The following EPHA5 variants were observed in gnomAD, a reference collection of about 807,000 sequenced individuals.
The protein encoded by EPHA5 is EPH receptor A5.
Under a neutral mutation model 105.0 loss-of-function variants are expected in EPHA5, and 60 were observed. The ratio of observed to expected loss-of-function variants is 0.57; its 90% CI spans 0.46 to 0.71. The LOEUF (loss-of-function observed/expected upper bound fraction) is 0.71, where lower values mean the gene tolerates loss of function less well. EPHA5 is among the 30% of genes least tolerant of loss of function. EPHA5 has a pLI of 0.00. For synonymous variants in EPHA5, 513 were observed against 449.1 expected (o/e 1.14, Z -1.80); for missense variants, 1,218 against 1,274.7 (o/e 0.96, Z 0.68).
At chr4:65,500,514 A>G (rs1732377381) in intron 3 of EPHA5, among the ~76,000 whole-genome samples, 1 of 150,874 alleles carries the variant, frequency 6.6e-6, no homozygotes. Flanking sequence ...GTATAATCTT[A>G]TGAGAAATTG....
intron 5 of EPHA5, among the ~76,000 whole-genome samples, chr4:65,456,924 AGAGTTTATTT>A: frequency 6.6e-6 from 1 of 152,238 alleles, no homozygotes; most frequent in South Asian, 2.1e-4. Flanking sequence ...CATACCTCCA[AGAGTTTATTT>A]GCTATCTCAT....
intron 3 of EPHA5, among the ~76,000 whole-genome samples, chr4:65,511,309 C>T (rs1397259922): frequency 6.6e-6 from 1 of 152,070 alleles, no homozygotes; most frequent in Non-Finnish European, 1.5e-5. Flanking sequence ...ATAAGAGGTC[C>T]TTGAACTTTC....
At chr4:65,470,515 G>T (rs985361775) in intron 5 of EPHA5, among the ~76,000 whole-genome samples, 7 of 152,056 alleles carry the variant, frequency 4.6e-5, no homozygotes, top group African/African-American at 1.4e-4. Flanking sequence ...ATATATAATA[G>T]TAGAACATGT....
At chr4:65,346,251 A>G (rs1722217717) in intron 14 of EPHA5, among the ~76,000 whole-genome samples, 1 of 151,972 alleles carries the variant, frequency 6.6e-6, no homozygotes, top group Non-Finnish European at 1.5e-5. Flanking sequence ...ATAAGTAAGT[A>G]CATTATACTT....
chr4:65,385,809 A>C (rs1720023114), intron 8 of EPHA5, among the ~76,000 whole-genome samples: 1 of 151,822 alleles, frequency 6.6e-6, no homozygotes, highest in Non-Finnish European at 1.5e-5. Context: ...TCCAACAGGA[A>C]TTTACCTGAC....
chr4:65,522,302 GTGTATATATATA>G (rs200452332), intron 3 of EPHA5, among the ~76,000 whole-genome samples: 1,530 of 110,578 alleles, frequency 0.014, 72 homozygotes, highest in East Asian at 0.12. Flanking sequence ...AAATATGTGT[GTGTATATATATA>G]TGTATATATA....
At chr4:65,538,835 C>T (rs1463721248) in intron 3 of EPHA5, among the ~76,000 whole-genome samples, 2 of 151,682 alleles carry the variant, frequency 1.3e-5, no homozygotes, top group Non-Finnish European at 3.0e-5. Flanking sequence ...CTGCTCTGGA[C>T]TTCTTTTGCC....
intron 3 of EPHA5, among the ~76,000 whole-genome samples, chr4:65,586,555 T>C (rs1281670428): frequency 2.6e-5 from 4 of 151,978 alleles, no homozygotes; most frequent in African/African-American, 7.2e-5. Flanking sequence ...TATACATCTC[T>C]TCCCCTGTCA....
chr4:65,398,914 C>T (rs1721525364), intron 8 of EPHA5, among the ~76,000 whole-genome samples: 1 of 152,160 alleles, frequency 6.6e-6, no homozygotes, highest in Non-Finnish European at 1.5e-5. Flanking sequence ...CTACAGTTGT[C>T]CATGTACCTC....
intron 3 of EPHA5, among the ~76,000 whole-genome samples, chr4:65,566,995 C>G (rs945377674): frequency 6.6e-6 from 1 of 151,424 alleles, no homozygotes; most frequent in Non-Finnish European, 1.5e-5. Context: ...AAGAACTATA[C>G]ACTATCTGAC....
At chr4:65,544,494 A>T (rs1190316704) in intron 3 of EPHA5, among the ~76,000 whole-genome samples, 1 of 151,718 alleles carries the variant, frequency 6.6e-6, no homozygotes, top group East Asian at 1.9e-4. Flanking sequence ...CAACACTTAT[A>T]ATTAGAGAAA....
chr4:65,463,665 T>C (rs1349179228), intron 5 of EPHA5, among the ~76,000 whole-genome samples: 1 of 152,122 alleles, frequency 6.6e-6, no homozygotes, highest in African/African-American at 2.4e-5. Flanking sequence ...CATTTAAGTA[T>C]AAGTTCATTC....
chr4:65,369,626 A>G (rs893368727), intron 8 of EPHA5, among the ~76,000 whole-genome samples: 1 of 152,150 alleles, frequency 6.6e-6, no homozygotes, highest in Admixed American at 6.6e-5. Context: ...CTACATATAT[A>G]TTACAAAAAT....
chr4:65,461,205 T>A (rs1728091035), intron 5 of EPHA5, among the ~76,000 whole-genome samples: 1 of 151,946 alleles, frequency 6.6e-6, no homozygotes, highest in Admixed American at 6.6e-5. Context: ...ACTTAAAGTC[T>A]AAAAACTAGA....
intron 5 of EPHA5, among the ~76,000 whole-genome samples, chr4:65,447,628 A>G (rs1378577977): frequency 6.6e-6 from 1 of 152,040 alleles, no homozygotes; most frequent in Non-Finnish European, 1.5e-5. Flanking sequence ...AATCAACAAT[A>G]TGCATTCATA....
chr4:65,519,469 A>G (rs906232460), intron 3 of EPHA5, among the ~76,000 whole-genome samples: 1 of 152,156 alleles, frequency 6.6e-6, no homozygotes, highest in African/African-American at 2.4e-5. Flanking sequence ...AACTGGCACA[A>G]GACAGGGATG....
chr4:65,440,668 G>C (rs575025197), intron 5 of EPHA5, among the ~76,000 whole-genome samples: 12 of 152,106 alleles, frequency 7.9e-5, no homozygotes, highest in African/African-American at 2.2e-4. Flanking sequence ...GCAATTCAAA[G>C]ATTTATTACT....
At chr4:65,545,583 G>A (rs918100464) in intron 3 of EPHA5, among the ~76,000 whole-genome samples, 1 of 151,754 alleles carries the variant, frequency 6.6e-6, no homozygotes, top group African/African-American at 2.4e-5. Context: ...TGACATAATA[G>A]GACACAGATG....
At chr4:65,478,926 A>T (rs1730090932) in intron 5 of EPHA5, among the ~76,000 whole-genome samples, 1 of 152,212 alleles carries the variant, frequency 6.6e-6, no homozygotes, top group Non-Finnish European at 1.5e-5. Context: ...TTACTCCTGC[A>T]AGCTTGAAGC....
Sources: gnomAD v4.1 joint callset for allele counts (sites outside exome capture counted in the v4.1 genomes callset) on GRCh38, gnomAD v4.1.1 for gene constraint, MANE v1.5 for transcripts, NCBI Gene and HGNC (gene_info 2026-07-23, HGNC 2026-07-21) for gene names.